The following KCND2 variants were observed in gnomAD, a reference collection of about 807,000 sequenced individuals.
The protein encoded by KCND2 is potassium voltage-gated channel subfamily D member 2.
A neutral mutation model predicts 54.4 loss-of-function variants in KCND2; 16 were observed. The observed-to-expected ratio is 0.29, with a 90% CI of 0.20 to 0.45. The LOEUF (loss-of-function observed/expected upper bound fraction) is 0.45. Ranked by LOEUF, KCND2 falls within the 20% of genes least tolerant of loss-of-function variation. KCND2 has a pLI of 1.00. For synonymous variants in KCND2, 317 were observed against 310.7 expected (o/e 1.02, Z -0.21); for missense variants, 486 against 824.2 (o/e 0.59, Z 5.02).
intron 1 of KCND2, among the ~76,000 whole-genome samples, chr7:120,407,080 A>G (rs1801372108): frequency 6.6e-6 from 1 of 151,968 alleles, no homozygotes; most frequent in Non-Finnish European, 1.5e-5. Flanking sequence ...ATTTCCTATA[A>G]TACACCTTCA....
chr7:120,613,067 A>C (rs1792976258), intron 1 of KCND2, among the ~76,000 whole-genome samples: 2 of 145,122 alleles, frequency 1.4e-5, no homozygotes, highest in South Asian at 4.5e-4. Context: ...GTAGTAGCAA[A>C]CTGGATGTTT....
chr7:120,631,149 G>T lies in KCND2; in HGVS notation c.1116-101754G>T, dbSNP rs564633367. 3.8e-4 allele frequency among the ~76,000 whole-genome samples: 58 copies of T among 152,022 alleles called. 1 individual carries two copies. The highest frequency in any genetic ancestry group is 6.9e-4 in the Non-Finnish European group (47 of 67,906). ...CACGTGGCATTAAATTGAATGTAAG[G>T]TCTTATAAAATAATACTGTTGCAAG... On this transcript the variant is annotated intron_variant, in intron 1 of 5. Transcript: ENST00000331113.
chr7:120,330,148 T>C (rs1488510889), intron 1 of KCND2, among the ~76,000 whole-genome samples: 2 of 152,142 alleles, frequency 1.3e-5, no homozygotes, highest in African/African-American at 4.8e-5. Flanking sequence ...ATGTGAACCT[T>C]AGGTAAGCTT....
intron 1 of KCND2, among the ~76,000 whole-genome samples, chr7:120,419,092 G>A (rs1223931327): frequency 3.3e-5 from 5 of 151,972 alleles, no homozygotes; most frequent in South Asian, 2.1e-4. Context: ...TTGAATATGA[G>A]CAAATCTCTG....
intron 1 of KCND2, among the ~76,000 whole-genome samples, chr7:120,291,233 A>G (rs1361268417): frequency 6.6e-6 from 1 of 151,930 alleles, no homozygotes; most frequent in African/African-American, 2.4e-5. Context: ...ATTTATGAAG[A>G]TGGAAATATA....
At chr7:120,454,320 G>C (rs1054726643) in intron 1 of KCND2, among the ~76,000 whole-genome samples, 7 of 151,830 alleles carry the variant, frequency 4.6e-5, no homozygotes, top group African/African-American at 1.7e-4. Context: ...GCTAGACAAA[G>C]AAAAAAGAGA....
chr7:120,555,602 A>G (rs370247838), intron 1 of KCND2, among the ~76,000 whole-genome samples: 1 of 151,824 alleles, frequency 6.6e-6, no homozygotes, highest in South Asian at 2.1e-4. Flanking sequence ...TTTATTTTAT[A>G]TAACTGTAGA....
At chr7:120,663,492 T>A (rs1791890841) in intron 1 of KCND2, among the ~76,000 whole-genome samples, 1 of 152,188 alleles carries the variant, frequency 6.6e-6, no homozygotes, top group Non-Finnish European at 1.5e-5. Flanking sequence ...TAACTTTCAC[T>A]TTTTAAAATT....
intron 1 of KCND2, among the ~76,000 whole-genome samples, chr7:120,657,489 C>A (rs78915433): frequency 6.6e-6 from 1 of 152,194 alleles, no homozygotes; most frequent in East Asian, 1.9e-4. Context: ...CTAGTTCACA[C>A]AAAAGATTGA....
At chr7:120,381,350 A>G (rs1800913299) in intron 1 of KCND2, among the ~76,000 whole-genome samples, 1 of 152,140 alleles carries the variant, frequency 6.6e-6, no homozygotes, top group Non-Finnish European at 1.5e-5. Flanking sequence ...AGGTAACAAA[A>G]TATTACACAT....
chr7:120,601,469 GT>G (rs11431300), intron 1 of KCND2, among the ~76,000 whole-genome samples: 2 of 151,760 alleles, frequency 1.3e-5, no homozygotes, highest in Middle Eastern at 3.4e-3. Flanking sequence ...TAAGTAAGGC[GT>G]TTTTTTTGTG....
At chr7:120,392,055 A>G (rs890141984) in intron 1 of KCND2, among the ~76,000 whole-genome samples, 2 of 152,060 alleles carry the variant, frequency 1.3e-5, no homozygotes, top group East Asian at 1.9e-4. Flanking sequence ...TAGGTTTTAC[A>G]TTTAAGTCTT....
At chr7:120,469,711 C>A (rs1802426240) in intron 1 of KCND2, among the ~76,000 whole-genome samples, 1 of 152,074 alleles carries the variant, frequency 6.6e-6, no homozygotes, top group East Asian at 1.9e-4. Flanking sequence ...TGAAATAGAT[C>A]AGCACAAATT....
chr7:120,577,728 G>T (rs1792455371), intron 1 of KCND2, among the ~76,000 whole-genome samples: 1 of 152,110 alleles, frequency 6.6e-6, no homozygotes, highest in Non-Finnish European at 1.5e-5. Flanking sequence ...TGGGACTATA[G>T]GTCCCTGTCA....
At chr7:120,441,117 T>A (rs1259345977) in intron 1 of KCND2, among the ~76,000 whole-genome samples, 1 of 152,044 alleles carries the variant, frequency 6.6e-6, no homozygotes, top group Non-Finnish European at 1.5e-5. Context: ...AGATGACTAG[T>A]TAATGAGGTA....
At chr7:120,701,850 AAACCCTGG>A (rs751196577) in intron 1 of KCND2, among the ~76,000 whole-genome samples, 4 of 152,240 alleles carry the variant, frequency 2.6e-5, no homozygotes, top group Admixed American at 6.5e-5. Context: ...AAAACTCTCA[AAACCCTGG>A]AAGACAACGT....
At chr7:120,439,558 T>C (rs765463629) in intron 1 of KCND2, among the ~76,000 whole-genome samples, 10 of 152,050 alleles carry the variant, frequency 6.6e-5, no homozygotes, top group Non-Finnish European at 1.3e-4. Flanking sequence ...CAATAAATTA[T>C]TGTGGACTGT....
intron 1 of KCND2, among the ~76,000 whole-genome samples, chr7:120,729,493 C>T (rs145259253): frequency 1.8e-4 from 27 of 152,320 alleles, no homozygotes; most frequent in African/African-American, 5.8e-4. Context: ...GCTGTCCTTA[C>T]ATGAGAAATT....
chr7:120,733,457 G>A (rs890445319), intron 2 of KCND2, among the ~76,000 whole-genome samples: 3 of 152,012 alleles, frequency 2.0e-5, no homozygotes, highest in African/African-American at 7.2e-5. Flanking sequence ...TTTCAAAGTG[G>A]GCAGGAAAAT....
Sources: gnomAD v4.1 joint callset for allele counts (sites outside exome capture counted in the v4.1 genomes callset) on GRCh38, gnomAD v4.1.1 for gene constraint, MANE v1.5 for transcripts, NCBI Gene and HGNC (gene_info 2026-07-23, HGNC 2026-07-21) for gene names.